The following HSPH1 variants were observed in gnomAD, a reference collection of about 807,000 sequenced individuals.
HSPH1 encodes heat shock protein family H (Hsp110) member 1.
In HSPH1, 40 loss-of-function variants were observed where a neutral mutation model predicts 100.0. That is an observed-to-expected ratio of 0.40 (90% CI 0.31 to 0.52). The LOEUF is 0.52. Ranked by LOEUF, HSPH1 falls within the 20% of genes least tolerant of loss-of-function variation. The pLI is 0.54. For missense variants in HSPH1, 876 were observed against 1,015.1 expected, an observed-to-expected ratio of 0.86 and a Z score of 1.86; for synonymous variants, 403 against 344.0, an observed-to-expected ratio of 1.17 and a Z score of -1.90.
In HSPH1 at chr13:31,145,738, T is replaced by C. The variant is rs369530094; in HGVS notation, c.1409A>G (p.Gln470Arg). The C allele has an allele frequency of 1.2e-6, 2 of 1,613,496 alleles. No homozygotes were observed. Among genetic ancestry groups the C allele is most frequent in the Non-Finnish European group, 1.7e-6 (2 of 1,179,706 alleles). The change falls in exon 11 of 18, where the codon CAG (glutamine) becomes CGG (arginine). Residue 470 changes from glutamine (Q) to arginine (R), a missense_variant. By Grantham distance (43) the Gln-to-Arg change is conservative. Transcript: ENST00000320027. ...GRFVVQNVSA[Q>R]KDGEKSRVKV... ...TACTCTAGATTTTTCTCCATCTTTC[T>C]GTGCAGAAACATTCTGAACTACAAA...
intron 1 of HSPH1, among the ~76,000 whole-genome samples, chr13:31,160,937 G>A (rs1956878173): frequency 6.6e-6 from 1 of 152,232 alleles, no homozygotes; most frequent in Non-Finnish European, 1.5e-5. Flanking sequence ...CACTGGACAA[G>A]CAGCGACACA....
chr13:31,148,313 G>A lies in HSPH1; in HGVS notation c.1244+61C>T, dbSNP rs547222507. 12 of 1,133,326 alleles carry A rather than the reference G, an allele frequency of 1.1e-5. No homozygotes were observed. In the African/African-American group the frequency reaches 1.1e-4, roughly 10 times the overall value. The allele number at this position is 1,133,326 out of a possible 1,614,324, so 70.2% of individuals were successfully genotyped here. A position where few individuals can be genotyped will look rare whatever the true frequency, so the allele number is the denominator to read the frequency against. On this transcript the variant is annotated intron_variant, in intron 9 of 17. Coordinates refer to ENST00000320027, the MANE Select transcript of HSPH1 (RefSeq NM_006644.4). The stretch of plus-strand genomic sequence containing the variant: ...ATTTGTTAATGACTCTACTAGAGAA[G>A]TCATTTGTTAATTTTTCTTCTTTAC...
In HSPH1 at chr13:31,145,571, C is replaced by A; in HGVS notation, c.1576G>T (p.Asp526Tyr). The change falls in exon 11 of 18, where the codon GAC becomes TAC. Residue 526 changes from aspartate to tyrosine, a missense_variant. By Grantham distance (160) the Asp-to-Tyr change is radical. Transcript: ENST00000320027. ...CLNQRPPENP[D>Y]TDKNVQQDNS... ...TTTATCCACAAACTTACATCAGTGTCTGGGTTTTCTGGTGGTCTCTGATTC... is the reference window on the plus strand; with the variant it reads ...TTTATCCACAAACTTACATCAGTGTATGGGTTTTCTGGTGGTCTCTGATTC... The A allele has an allele frequency of 1.2e-6, 2 of 1,612,950 alleles. No individual in the cohort carries two copies. The highest frequency in any genetic ancestry group is 1.7e-6 in the Non-Finnish European group (2 of 1,179,360).
Position 31,148,439 on chromosome 13 carries a change from G to T in HSPH1, c.1179C>A (p.Ser393=). ...LSPAFKVREF[S]VTDAVPFPIS... ...TTGGAAAAGGAACTGCATCTGTGAC[G>T]GAAAATTCTCTAACTTTAAATGCCG... is the stretch of plus-strand genomic sequence containing the variant. Residue 393 remains serine (S), a synonymous_variant, in exon 9 of 18, where the codon TCC becomes TCA. Transcript: ENST00000320027. 1.9e-6 allele frequency: 3 copies of T among 1,570,454 alleles called. No individual in the cohort carries two copies. The highest frequency in any genetic ancestry group is 1.7e-6 in the Non-Finnish European group (2 of 1,162,936).
chr13:31,150,741 G>A (rs906504147), intron 7 of HSPH1, among the ~76,000 whole-genome samples: 5 of 152,166 alleles, frequency 3.3e-5, no homozygotes, highest in Non-Finnish European at 1.5e-5. Context: ...ACCCATGAGA[G>A]TACTTAGCAA....
At chr13:31,137,907 G>T (rs1955943166) in intron 17 of HSPH1, among the ~76,000 whole-genome samples, 1 of 152,084 alleles carries the variant, frequency 6.6e-6, no homozygotes, top group South Asian at 2.1e-4. Flanking sequence ...TGCTTAAAAG[G>T]GTCACTTTTC....
In HSPH1 at chr13:31,149,846, C is replaced by A. The variant is rs1956417494; in HGVS notation, c.1137+108G>T. 4 of 830,900 alleles carry A rather than the reference C, an allele frequency of 4.8e-6. 1 individual carries two copies. Among genetic ancestry groups the A allele is most frequent in the Non-Finnish European group, 8.1e-6 (4 of 495,628 alleles). The allele number at this position is 830,900 out of a possible 1,614,324, so 51.5% of individuals were successfully genotyped here. On this transcript the variant is annotated intron_variant, in intron 8 of 17. Coordinates refer to ENST00000320027, the MANE Select transcript of HSPH1 (RefSeq NM_006644.4). ...AGCTTTACGGGTTTGTTTAAAATGT[C>A]CTTCTGCTACCTAGACACAGGTCTC...
chr13:31,141,248 T>G lies in HSPH1; in HGVS notation c.1728A>C (p.Lys576Asn). 6.2e-7 allele frequency: 1 copy of G among 1,603,908 alleles called. No homozygotes were observed. The highest frequency in any genetic ancestry group is 8.5e-7 in the Non-Finnish European group (1 of 1,176,308). Residue 576 changes from lysine to asparagine, a missense_variant, in exon 13 of 18, where the codon AAA becomes AAC. Coordinates refer to ENST00000320027, the MANE Select transcript of HSPH1 (RefSeq NM_006644.4). ...KIPDADKANE[K>N]KVDQPPEAKK... Reference sequence around the variant, plus strand: ...TAGCTTCTGGAGGCTGGTCAACTTTTTTTTCATTTGCCTTGGGAAGAGGAA... The same window carrying G: ...TAGCTTCTGGAGGCTGGTCAACTTTGTTTTCATTTGCCTTGGGAAGAGGAA...
In HSPH1 at chr13:31,161,691, G is replaced by T; in HGVS notation, c.-109C>A. On this transcript the variant is annotated 5_prime_UTR_variant, in exon 1 of 18. Transcript: ENST00000320027. ...CCCTGGCCGCGTTCTGCTCCGGCCC[G>T]CGGGGTCTGGCCGTTCCTCTGACAC... The T allele has an allele frequency of 6.5e-7, 1 of 1,543,992 alleles. No individual in the cohort carries two copies. Among genetic ancestry groups the T allele is most frequent in the Non-Finnish European group, 8.7e-7 (1 of 1,151,262 alleles).
At position 31,135,481 on chromosome 13, in the gene HSPH1, T is replaced by TTA. The variant is rs1435276696; in HGVS notation, c.*1835_*1836dup. Reference sequence around the variant, plus strand: ...TGCTAAATGGTAAAGCAGCTAGAAATTATAAAGTAGGGAAATGTTGAATAG... The same window carrying TTA: ...TGCTAAATGGTAAAGCAGCTAGAAATTATATAAAGTAGGGAAATGTTGAATAG... On this transcript the variant is annotated 3_prime_UTR_variant, in exon 18 of 18. Transcript: ENST00000320027. 2 of 152,182 alleles carry TTA rather than the reference T, an allele frequency of 1.3e-5. No homozygotes were observed. Among genetic ancestry groups the TTA allele is most frequent in the Non-Finnish European group, 2.9e-5 (2 of 68,046 alleles). The allele number at this position is 152,182 out of a possible 1,614,324, so 9.4% of individuals were successfully genotyped here. A position where few individuals can be genotyped will look rare whatever the true frequency, so the allele number is the denominator to read the frequency against.
chr13:31,159,923 A>G (rs1453378063), intron 1 of HSPH1, among the ~76,000 whole-genome samples: 1 of 152,152 alleles, frequency 6.6e-6, no homozygotes, highest in Admixed American at 6.5e-5. Context: ...CTGAATAACC[A>G]TACACTTGCA....
chr13:31,142,701 C>T (rs1160945132), intron 12 of HSPH1, among the ~76,000 whole-genome samples: 6 of 152,020 alleles, frequency 3.9e-5, no homozygotes, highest in Non-Finnish European at 8.8e-5. Flanking sequence ...TAATCATGCT[C>T]CAAAAGGTTT....
intron 14 of HSPH1, among the ~76,000 whole-genome samples, chr13:31,139,445 A>C (rs1956008502): frequency 6.6e-6 from 1 of 152,044 alleles, no homozygotes; most frequent in South Asian, 2.1e-4. Flanking sequence ...GAACACATGA[A>C]AAAATCATTC....
At position 31,137,272 on chromosome 13, in the gene HSPH1, GC is replaced by G. The variant is rs767140009; in HGVS notation, c.*45del. On this transcript the variant is annotated 3_prime_UTR_variant, in exon 18 of 18. Coordinates refer to ENST00000320027, the MANE Select transcript of HSPH1 (RefSeq NM_006644.4). ...ATGTTATGTAGAGTCACATACTATG[GC>G]AAAAATATTTTATTAATTGAAGGAA... is the stretch of plus-strand genomic sequence containing the variant. 2.3e-5 allele frequency: 28 copies of G among 1,194,044 alleles called. No homozygotes were observed. In the Admixed American group the frequency reaches 4.3e-4, roughly 18 times the overall value. The allele number at this position is 1,194,044 out of a possible 1,614,324, so 74.0% of individuals were successfully genotyped here.
intron 10 of HSPH1, 77 bp from the exon 11 acceptor site, chr13:31,145,845 G>C: frequency 7.2e-7 from 1 of 1,383,694 alleles, no homozygotes; most frequent in Non-Finnish European, 1.0e-6. Context: ...AGGAGGCCAG[G>C]TGGGTGGTTC....
intron 8 of HSPH1, among the ~76,000 whole-genome samples, chr13:31,149,541 G>C (rs1343742781): frequency 6.6e-6 from 1 of 152,068 alleles, no homozygotes; most frequent in East Asian, 1.9e-4. Context: ...ATAAGAGAGG[G>C]TTATCTATTT....
At chr13:31,157,419 CA>C (rs1476774964) in intron 2 of HSPH1, among the ~76,000 whole-genome samples, 1 of 152,138 alleles carries the variant, frequency 6.6e-6, no homozygotes, top group Non-Finnish European at 1.5e-5. Flanking sequence ...AAGTTAAATC[CA>C]ACCTACATAT....
intron 7 of HSPH1, among the ~76,000 whole-genome samples, chr13:31,150,461 C>G (rs1043959660): frequency 1.3e-5 from 2 of 152,172 alleles, no homozygotes; most frequent in African/African-American, 4.8e-5. Flanking sequence ...CCCCCTGACA[C>G]AGAGTCTTGC....
At chr13:31,140,553 TAAA>T (rs35691238) in intron 13 of HSPH1, 48 of 158,772 alleles carry the variant, frequency 3.0e-4, no homozygotes, top group East Asian at 9.0e-4. Context: ...TATTTAATGC[TAAA>T]AAAAAAAAAA....
Sources: gnomAD v4.1 joint callset for allele counts (sites outside exome capture counted in the v4.1 genomes callset) on GRCh38, gnomAD v4.1.1 for gene constraint, MANE v1.5 for transcripts, NCBI Gene and HGNC (gene_info 2026-07-23, HGNC 2026-07-21) for gene names.